The following EXOC4 variants were observed in gnomAD, a reference collection of about 807,000 sequenced individuals.
EXOC4 encodes the protein SEC8-like 1.
A neutral mutation model predicts 107.2 loss-of-function variants in EXOC4; 71 were observed. The observed-to-expected ratio is 0.66, with a 90% CI of 0.55 to 0.81. The LOEUF is 0.81. Among genes scored for constraint, EXOC4 ranks in the 30% least tolerant of loss-of-function variants. The pLI, the probability that EXOC4 is intolerant of heterozygous loss-of-function variation, is 0.00. For missense variants in EXOC4, 1,108 were observed against 1,189.6 expected, an observed-to-expected ratio of 0.93 and a Z score of 1.01; for synonymous variants, 456 against 441.2, an observed-to-expected ratio of 1.03 and a Z score of -0.42.
intron 9 of EXOC4, among the ~76,000 whole-genome samples, chr7:133,626,820 T>C (rs545804241): frequency 1.1e-4 from 17 of 152,348 alleles, no homozygotes; most frequent in African/African-American, 4.1e-4. Flanking sequence ...TTTTGTTCTC[T>C]GTAATATGGT....
rs78922501 is a variant in EXOC4, at chr7:133,867,753, C to A, written c.1735-27846C>A. On this transcript the variant is annotated intron_variant, in intron 11 of 17. Coordinates refer to ENST00000253861, the MANE Select transcript of EXOC4 (RefSeq NM_021807.4). ...ATCAGTTACTTAAACCTGCCACAGA[C>A]TAATTTTTAGAAGTCTCAGAGGTGG... 2.4e-3 allele frequency among the ~76,000 whole-genome samples: 366 copies of A among 152,298 alleles called. 5 individuals carry two copies. Among genetic ancestry groups the A allele is most frequent in the African/African-American group, 8.2e-3 (341 of 41,560 alleles).
At chr7:133,485,774 C>T (rs1463450171) in intron 9 of EXOC4, among the ~76,000 whole-genome samples, 1 of 152,028 alleles carries the variant, frequency 6.6e-6, no homozygotes, top group Non-Finnish European at 1.5e-5. Flanking sequence ...TTAATATCTC[C>T]TTATTTGTAG....
chr7:133,852,948 A>G (rs944438357), intron 11 of EXOC4, among the ~76,000 whole-genome samples: 4 of 152,188 alleles, frequency 2.6e-5, no homozygotes, highest in African/African-American at 4.8e-5. Context: ...TAAATGCACA[A>G]TCGGGCATCT....
chr7:133,632,508 G>A (rs1388159233), intron 10 of EXOC4, among the ~76,000 whole-genome samples: 4 of 152,270 alleles, frequency 2.6e-5, no homozygotes, highest in South Asian at 2.1e-4. Context: ...AACTTGAAAT[G>A]ACTAAGATCT....
intron 14 of EXOC4, among the ~76,000 whole-genome samples, chr7:133,939,554 G>C (rs188753580): frequency 6.6e-6 from 1 of 152,110 alleles, no homozygotes; most frequent in South Asian, 2.1e-4. Context: ...TTTTGAGACA[G>C]TCTTGCTGTA....
chr7:133,527,086 C>T (rs930774156), intron 9 of EXOC4, among the ~76,000 whole-genome samples: 1 of 152,104 alleles, frequency 6.6e-6, no homozygotes, highest in African/African-American at 2.4e-5. Context: ...ATTTTTCTTA[C>T]ATCAAACTGT....
chr7:133,306,801 G>A (rs535919385), intron 4 of EXOC4, among the ~76,000 whole-genome samples: 1 of 152,170 alleles, frequency 6.6e-6, no homozygotes, highest in Admixed American at 6.5e-5. Context: ...CCTTTTTCTG[G>A]AATAGTTTAG....
At chr7:133,487,687 C>T (rs999471427) in intron 9 of EXOC4, among the ~76,000 whole-genome samples, 5 of 151,822 alleles carry the variant, frequency 3.3e-5, no homozygotes, top group Admixed American at 1.3e-4. Flanking sequence ...CCAGCCTGGG[C>T]GACAGAGTGA....
chr7:133,487,764 C>G (rs1158694748), intron 9 of EXOC4, among the ~76,000 whole-genome samples: 2 of 151,980 alleles, frequency 1.3e-5, no homozygotes, highest in African/African-American at 4.8e-5. Context: ...TTTTTGTTTT[C>G]AGAACAAAAA....
intron 9 of EXOC4, chr7:133,483,977 A>AT (rs765214610): frequency 2.2e-5 from 34 of 1,571,530 alleles, no homozygotes; most frequent in Non-Finnish European, 2.9e-5. Context: ...TTAACACCAT[A>AT]TAGCGGCAGG....
At chr7:133,619,229 A>G (rs1802268775) in intron 9 of EXOC4, among the ~76,000 whole-genome samples, 1 of 152,106 alleles carries the variant, frequency 6.6e-6, no homozygotes, top group South Asian at 2.1e-4. Context: ...TTTGACTCTG[A>G]TTTTGTATTT....
chr7:133,526,216 T>A lies in EXOC4; in HGVS notation c.1417+46078T>A, dbSNP rs147281269. ...TACCAGGCTGTTGAGAAATTCTTAT[T>A]TCTTTGGAATGGTATAAACCAAAGG... On this transcript the variant is annotated intron_variant, in intron 9 of 17. Transcript: ENST00000253861. 1.5e-3 allele frequency among the ~76,000 whole-genome samples: 230 copies of A among 152,342 alleles called. 1 individual carries two copies. Among genetic ancestry groups the A allele is most frequent in the African/African-American group, 5.3e-3 (219 of 41,590 alleles).
intron 9 of EXOC4, among the ~76,000 whole-genome samples, chr7:133,595,047 G>A (rs1018816120): frequency 6.6e-6 from 1 of 152,072 alleles, no homozygotes; most frequent in African/African-American, 2.4e-5. Context: ...AGGCAGGGGT[G>A]GAGGAAGTTG....
chr7:133,574,231 A>T (rs1443327811), intron 9 of EXOC4, among the ~76,000 whole-genome samples: 1 of 152,206 alleles, frequency 6.6e-6, no homozygotes, highest in Non-Finnish European at 1.5e-5. Context: ...ACATGCATGT[A>T]TATGTATACA....
At position 133,705,689 on chromosome 7, in the gene EXOC4, G is replaced by A. The variant is rs537368718; in HGVS notation, c.1514+75548G>A. Among the ~76,000 whole-genome samples the A allele has an allele frequency of 4.6e-5, 7 of 152,260 alleles. No individual in the cohort carries two copies. The South Asian group carries it at 8.3e-4, about 18-fold the overall frequency. On this transcript the variant is annotated intron_variant, in intron 10 of 17. Transcript: ENST00000253861. ...CTTGAACAGAAGCACTGCAATACCC[G>A]TCTGAGAGTTGACTTCATAATCGAG...
chr7:134,089,962 G>C, the EXOC4 span, among the ~76,000 whole-genome samples: 1 of 152,020 alleles, frequency 6.6e-6, no homozygotes, highest in African/African-American at 2.4e-5. Context: ...CTTAATATCT[G>C]ACCTGCATAA....
intron 2 of EXOC4, among the ~76,000 whole-genome samples, chr7:133,281,876 A>AT (rs1261802532): frequency 3.5e-4 from 53 of 151,778 alleles, no homozygotes; most frequent in Non-Finnish European, 7.4e-4. Context: ...TAATATTTCT[A>AT]TTTTTTAGTA....
chr7:133,361,253 C>G (rs1796129747), intron 6 of EXOC4, among the ~76,000 whole-genome samples: 1 of 152,112 alleles, frequency 6.6e-6, no homozygotes, highest in Admixed American at 6.6e-5. Context: ...GCCATTTTCA[C>G]TGTTTTTGCT....
At chr7:133,879,595 T>G (rs1798922232) in intron 11 of EXOC4, among the ~76,000 whole-genome samples, 1 of 152,160 alleles carries the variant, frequency 6.6e-6, no homozygotes, top group South Asian at 2.1e-4. Context: ...TTGTCTGACT[T>G]TCTCTCTTCA....
Sources: allele counts gnomAD v4.1 joint callset (sites outside exome capture counted in the v4.1 genomes callset), GRCh38; gene constraint gnomAD v4.1.1; transcripts MANE v1.5; gene names NCBI Gene and HGNC (gene_info 2026-07-23, HGNC 2026-07-21).